PCBP3: variants seen among roughly 807,000 people sequenced by gnomAD.
PCBP3 encodes the protein poly(rC) binding protein 3, also known as poly(rC)-binding protein 3.
Under a neutral mutation model 52.7 loss-of-function variants are expected in PCBP3, and 25 were observed. The observed-to-expected ratio is 0.47, with a 90% CI of 0.35 to 0.66. The LOEUF is 0.66. Among genes scored for constraint, PCBP3 ranks in the 30% least tolerant of loss-of-function variants. The probability of loss-of-function intolerance (pLI) is 0.01; values close to 1 mark genes in which losing one functional copy is unlikely to be tolerated. For missense variants in PCBP3, 391 were observed against 490.3 expected (o/e 0.80, Z 1.91); for synonymous variants, 162 against 183.0 (o/e 0.89, Z 0.93).
intron 1 of PCBP3, among the ~76,000 whole-genome samples, chr21:45,645,959 G>C (rs139111280): frequency 1.3e-5 from 2 of 152,102 alleles, no homozygotes; most frequent in Non-Finnish European, 2.9e-5. Flanking sequence ...TTTTGGGGCA[G>C]CTCTGATGTC....
intron 4 of PCBP3, among the ~76,000 whole-genome samples, chr21:45,771,132 C>A (rs966244489): frequency 4.6e-5 from 7 of 152,242 alleles, no homozygotes; most frequent in African/African-American, 1.4e-4. Flanking sequence ...CATTGCTGTC[C>A]ATTGATAGAA....
chr21:45,900,134 C>T (rs182961816), intron 7 of PCBP3, among the ~76,000 whole-genome samples: 10 of 152,350 alleles, frequency 6.6e-5, no homozygotes, highest in Admixed American at 5.9e-4. Context: ...GGGGTCCTTC[C>T]CCTCAGTCCC....
chr21:45,902,304 A>C (rs558644890), intron 9 of PCBP3, among the ~76,000 whole-genome samples: 2 of 51,724 alleles, frequency 3.9e-5, no homozygotes, highest in East Asian at 7.9e-4. Context: ...CTGGCCTCCA[A>C]GGCTGGACGC....
At chr21:45,875,479 C>T (rs1257575752) in intron 5 of PCBP3, among the ~76,000 whole-genome samples, 2 of 152,210 alleles carry the variant, frequency 1.3e-5, no homozygotes, top group Non-Finnish European at 2.9e-5. Context: ...AACTCAAATT[C>T]GATTAAAAAC....
At chr21:45,799,488 G>A (rs565132058) in intron 4 of PCBP3, among the ~76,000 whole-genome samples, 4 of 152,252 alleles carry the variant, frequency 2.6e-5, no homozygotes, top group Non-Finnish European at 5.9e-5. Context: ...ATTTATCATA[G>A]GACAGTTTAT....
At chr21:45,729,948 G>C (rs2085333719) in intron 2 of PCBP3, among the ~76,000 whole-genome samples, 1 of 151,996 alleles carries the variant, frequency 6.6e-6, no homozygotes, top group Non-Finnish European at 1.5e-5. Context: ...TTTTTTTGTA[G>C]AGAGTAGGTC....
intron 1 of PCBP3, among the ~76,000 whole-genome samples, chr21:45,655,037 T>A (rs2079927680): frequency 6.6e-6 from 1 of 152,198 alleles, no homozygotes; most frequent in Non-Finnish European, 1.5e-5. Flanking sequence ...TGTTGTAGTA[T>A]GTATCAGTAT....
intron 5 of PCBP3, among the ~76,000 whole-genome samples, chr21:45,885,877 C>T (rs1262643462): frequency 1.3e-5 from 2 of 152,248 alleles, no homozygotes; most frequent in Non-Finnish European, 2.9e-5. Context: ...GGGGCTGACA[C>T]TGTCTTTCAT....
intron 12 of PCBP3, chr21:45,915,737 G>T (rs946333698): frequency 1.3e-5 from 2 of 152,492 alleles, no homozygotes; most frequent in African/African-American, 4.8e-5. Flanking sequence ...GGGACAGTCT[G>T]GTCTGGCCAG....
intron 2 of PCBP3, among the ~76,000 whole-genome samples, chr21:45,712,653 T>TATG (rs1192036075): frequency 7.2e-5 from 11 of 152,164 alleles, no homozygotes; most frequent in African/African-American, 2.7e-4. Flanking sequence ...ATATACTAAT[T>TATG]ATGATGATGA....
Position 45,911,051 on chromosome 21 carries a change from C to T in PCBP3, c.600+21C>T, listed in dbSNP as rs956833380. The T allele has an allele frequency of 3.7e-6, 6 of 1,605,504 alleles. No individual in the cohort carries two copies. The African/African-American group carries it at 8.0e-5, about 21-fold the overall frequency. On this transcript the variant is annotated intron_variant, in intron 11 of 17. Transcript: ENST00000681687. The stretch of plus-strand genomic sequence containing the variant: ...TGGAGGTACCGTCTGCGCGCCAGGG[C>T]CAGCCCACGTCAGTGCTGGATTTGG...
At chr21:45,838,882 T>C (rs1391884572) in intron 4 of PCBP3, among the ~76,000 whole-genome samples, 1 of 152,230 alleles carries the variant, frequency 6.6e-6, no homozygotes, top group African/African-American at 2.4e-5. Flanking sequence ...TTATGTAAAA[T>C]ACAAACATTT....
At chr21:45,657,023 G>A (rs1403907277) in intron 1 of PCBP3, among the ~76,000 whole-genome samples, 10 of 151,978 alleles carry the variant, frequency 6.6e-5, no homozygotes, top group African/African-American at 1.7e-4. Flanking sequence ...GGGTTTCACC[G>A]TGTTAGCCAG....
intron 5 of PCBP3, among the ~76,000 whole-genome samples, chr21:45,894,615 T>C (rs2095775650): frequency 6.6e-6 from 1 of 152,248 alleles, no homozygotes; most frequent in Non-Finnish European, 1.5e-5. Flanking sequence ...GTGTGAGCTG[T>C]GCTGTCCAGC....
At chr21:45,845,081 A>T (rs2093780141) in intron 4 of PCBP3, among the ~76,000 whole-genome samples, 1 of 152,132 alleles carries the variant, frequency 6.6e-6, no homozygotes, top group South Asian at 2.1e-4. Context: ...AAAGGACCAT[A>T]CCTGGATTCT....
At chr21:45,709,940 A>T (rs1290142052) in intron 2 of PCBP3, among the ~76,000 whole-genome samples, 1 of 152,130 alleles carries the variant, frequency 6.6e-6, no homozygotes, top group African/African-American at 2.4e-5. Context: ...AATGTGCCTC[A>T]TTTGGGATCT....
At chr21:45,933,946 G>A (rs1297702492) in intron 15 of PCBP3, among the ~76,000 whole-genome samples, 1 of 152,152 alleles carries the variant, frequency 6.6e-6, no homozygotes, top group Non-Finnish European at 1.5e-5. Context: ...GAGCTGTGTG[G>A]CTTTAACATG....
intron 2 of PCBP3, among the ~76,000 whole-genome samples, chr21:45,720,038 A>C (rs986228526): frequency 6.6e-6 from 1 of 152,288 alleles, no homozygotes; most frequent in Admixed American, 6.5e-5. Flanking sequence ...AAAGAGGAAT[A>C]CTCAGTGCTG....
chr21:45,927,992 A>G (rs1317533358), intron 13 of PCBP3, among the ~76,000 whole-genome samples: 3 of 152,082 alleles, frequency 2.0e-5, no homozygotes, highest in African/African-American at 7.2e-5. Flanking sequence ...GTGGCTGTGG[A>G]TGAATTTGCC....
Sources: gnomAD v4.1 joint callset for allele counts (sites outside exome capture counted in the v4.1 genomes callset) on GRCh38, gnomAD v4.1.1 for gene constraint, MANE v1.5 for transcripts, NCBI Gene and HGNC (gene_info 2026-07-23, HGNC 2026-07-21) for gene names.